SERPINH1: variants seen among roughly 807,000 people sequenced by gnomAD.
SERPINH1 encodes serpin H1.
SERPINH1 carries 22 observed loss-of-function variants against 32.3 expected under a neutral mutation model. The observed-to-expected ratio is 0.68, with a 90% CI of 0.49 to 0.97. The LOEUF (loss-of-function observed/expected upper bound fraction) is 0.97. SERPINH1 is among the 50% of genes least tolerant of loss of function. The pLI is 0.00. For synonymous variants in SERPINH1, 251 were observed against 245.9 expected, an observed-to-expected ratio of 1.02 and a Z score of -0.19; for missense variants, 543 against 576.4, an observed-to-expected ratio of 0.94 and a Z score of 0.59.
chr11:75,569,398 G>A (rs1165321021), intron 4 of SERPINH1: 24 of 569,620 alleles, frequency 4.2e-5, no homozygotes, highest in Non-Finnish European at 5.9e-5. Context: ...TATGCTAGGC[G>A]TTCTTCTAAG....
rs1942070559 is a variant in SERPINH1 at position 75,566,307 on chromosome 11, T to G, written c.-34-9T>G. On this transcript the variant is annotated splice_polypyrimidine_tract_variant and intron_variant, in intron 1 of 4. Coordinates refer to ENST00000358171, the MANE Select transcript of SERPINH1 (RefSeq NM_001235.5). ...CTTCAAGACCACCCTGTCTGTGCAA[T>G]CCTCACAGGCCCACCGTGGTGCACG... 6.3e-7 allele frequency: 1 copy of G among 1,589,282 alleles called. No homozygotes were observed. Among genetic ancestry groups the G allele is most frequent in the African/African-American group, 1.3e-5 (1 of 74,702 alleles).
chr11:75,567,069 C>T (rs746517400), intron 2 of SERPINH1, 98 bp downstream of exon 2: 66 of 1,349,010 alleles, frequency 4.9e-5, no homozygotes, highest in Non-Finnish European at 6.3e-5. Context: ...CACTGCCTCT[C>T]ATTTATGCTG....
Position 75,572,307 on chromosome 11 carries a change from C to A in SERPINH1, c.*224C>A. On this transcript the variant is annotated 3_prime_UTR_variant, in exon 5 of 5. Transcript: ENST00000358171. ...TACCATGATGCTGAGCCCGGAAACT[C>A]CACATCCTGTGGGACCTGGGCCATA... 3.3e-6 allele frequency: 2 copies of A among 610,182 alleles called. No individual in the cohort carries two copies. Among genetic ancestry groups the A allele is most frequent in the South Asian group, 3.7e-5 (2 of 53,388 alleles). The allele number at this position is 610,182 out of a possible 1,614,324, so 37.8% of individuals were successfully genotyped here. A position where few individuals can be genotyped will look rare whatever the true frequency, so the allele number is the denominator to read the frequency against.
At chr11:75,569,621 C>G (rs1942162875) in intron 4 of SERPINH1, among the ~76,000 whole-genome samples, 1 of 152,074 alleles carries the variant, frequency 6.6e-6, no homozygotes, top group African/African-American at 2.4e-5. Flanking sequence ...CGGGATTTCA[C>G]CATGTTGGCC....
intron 3 of SERPINH1, 45 bp downstream of exon 3, chr11:75,568,874 A>T (rs747699553): frequency 3.7e-5 from 60 of 1,603,174 alleles, no homozygotes; most frequent in Non-Finnish European, 4.9e-5. Flanking sequence ...TGGGGGTCCA[A>T]GGGTAGTTGG....
At chr11:75,568,458 T>C (rs1942130574) in intron 2 of SERPINH1, 2 of 508,954 alleles carry the variant, frequency 3.9e-6, no homozygotes, top group Non-Finnish European at 7.2e-6. Context: ...GTGGCTGACC[T>C]GAGGGCGGAA....
chr11:75,568,976 G>A lies in SERPINH1; in HGVS notation c.759G>A (p.Leu253=). 1 of 1,614,120 alleles carries A rather than the reference G, an allele frequency of 6.2e-7. No individual in the cohort carries two copies. The highest frequency in any genetic ancestry group is 8.5e-7 in the Non-Finnish European group (1 of 1,180,030). The change falls in exon 4 of 5, where the codon CTG becomes CTA. Residue 253 remains leucine (L), a synonymous_variant. Transcript: ENST00000358171. ...ACTACGACGACGAGAAGGAAAAGCT[G>A]CAAATCGTGGAGATGCCCCTGGCCC... The part of the protein sequence containing the change: ...YNYYDDEKEK[L]QIVEMPLAHK...
At chr11:75,564,519 C>T (rs979403031) in intron 1 of SERPINH1, among the ~76,000 whole-genome samples, 2 of 152,190 alleles carry the variant, frequency 1.3e-5, no homozygotes, top group Admixed American at 1.3e-4. Flanking sequence ...GCCTATTGTC[C>T]TGGCATAATA....
chr11:75,569,611 C>T (rs1204168627), intron 4 of SERPINH1, among the ~76,000 whole-genome samples: 1 of 151,958 alleles, frequency 6.6e-6, no homozygotes, highest in African/African-American at 2.4e-5. Flanking sequence ...TTAATAGAGA[C>T]GGGATTTCAC....
In SERPINH1 at chr11:75,566,751, G is replaced by C. The variant is rs1252255756; in HGVS notation, c.402G>C (p.Leu134=). 1 of 1,613,202 alleles carries C rather than the reference G, an allele frequency of 6.2e-7. No individual in the cohort carries two copies. The highest frequency in any genetic ancestry group is 1.1e-5 in the South Asian group (1 of 91,092). Residue 134 remains leucine, a synonymous_variant, in exon 2 of 5, where the codon CTG becomes CTC. Transcript: ENST00000358171. ...TGACCTGGAAGCTGGGCAGCCGACTGTACGGACCCAGCTCAGTGAGCTTCG... is the reference window on the plus strand; with the variant it reads ...TGACCTGGAAGCTGGGCAGCCGACTCTACGGACCCAGCTCAGTGAGCTTCG... ...RNVTWKLGSR[L]YGPSSVSFAD...
rs756637017 is a variant in SERPINH1 at position 75,566,856 on chromosome 11, G to A, written c.507G>A (p.Ala169=). Residue 169 remains alanine (A), a synonymous_variant, in exon 2 of 5, where the codon GCG becomes GCA. Coordinates refer to ENST00000358171, the MANE Select transcript of SERPINH1 (RefSeq NM_001235.5). ...TCAACTTCCGCGACAAGCGCAGCGC[G>A]CTGCAGTCCATCAACGAGTGGGCCG... ...SKINFRDKRS[A]LQSINEWAAQ... The A allele has an allele frequency of 3.7e-6, 6 of 1,611,822 alleles. No individual in the cohort carries two copies. Among genetic ancestry groups the A allele is most frequent in the African/African-American group, 1.3e-5 (1 of 75,074 alleles).
At position 75,572,170 on chromosome 11, in the gene SERPINH1, T is replaced by C; in HGVS notation, c.*87T>C. On this transcript the variant is annotated 3_prime_UTR_variant, in exon 5 of 5. Coordinates refer to ENST00000358171, the MANE Select transcript of SERPINH1 (RefSeq NM_001235.5). The stretch of plus-strand genomic sequence containing the variant: ...TATTGGGGTTGGGGGGGAGGTGAGG[T>C]ACCAGCCTTGGATACTCCATGGGGT... The C allele has an allele frequency of 7.7e-7, 1 of 1,290,466 alleles. No individual in the cohort carries two copies. Among genetic ancestry groups the C allele is most frequent in the Non-Finnish European group, 1.1e-6 (1 of 906,688 alleles). 79.9% of individuals were successfully genotyped at this position (1,290,466 alleles called of 1,614,324 possible).
At chr11:75,568,689 G>A (rs777193859) in intron 2 of SERPINH1, 42 bp from the exon 3 acceptor site, 1 of 1,335,228 alleles carries the variant, frequency 7.5e-7, no homozygotes, top group East Asian at 2.3e-5. Context: ...GTGTTTGGGG[G>A]CGGCCATGTG....
chr11:75,564,132 T>C (rs1262251076), intron 1 of SERPINH1, among the ~76,000 whole-genome samples: 2 of 152,186 alleles, frequency 1.3e-5, no homozygotes, highest in Non-Finnish European at 2.9e-5. Context: ...CTGGCAAATA[T>C]GTGGCACCCC....
rs764819709 is a variant in SERPINH1, at chr11:75,566,848, C to A, written c.499C>A (p.Arg167Ser). The stretch of plus-strand genomic sequence containing the variant: ...CTCCAAGATCAACTTCCGCGACAAG[C>A]GCAGCGCGCTGCAGTCCATCAACGA... ...EHSKINFRDK[R>S]SALQSINEWA... The change falls in exon 2 of 5, where the codon CGC becomes AGC. Residue 167 changes from arginine (R) to serine (S), a missense_variant. Physicochemically the swap from Arg to Ser is moderately radical, Grantham distance 110. This residue lies in a region of SERPINH1 where 427 missense variants were observed against 446.4 expected (regional missense o/e 0.96). Coordinates refer to ENST00000358171, the MANE Select transcript of SERPINH1 (RefSeq NM_001235.5). The A allele has an allele frequency of 2.5e-6, 4 of 1,612,084 alleles. No individual in the cohort carries two copies. The Admixed American group carries it at 6.7e-5, about 27-fold the overall frequency.
chr11:75,566,794 A>G lies in SERPINH1; in HGVS notation c.445A>G (p.Ser149Gly), dbSNP rs780165606. Reference protein sequence around the residue: ...SVSFADDFVRSSKQHYNCEHS... With the variant: ...SVSFADDFVRGSKQHYNCEHS... ...GAGCTTCGCTGATGACTTCGTGCGCAGCAGCAAGCAGCACTACAACTGCGA... is the reference window on the plus strand; with the variant it reads ...GAGCTTCGCTGATGACTTCGTGCGCGGCAGCAAGCAGCACTACAACTGCGA... The change falls in exon 2 of 5, where the codon AGC becomes GGC. Residue 149 changes from serine (S) to glycine (G), a missense_variant. Ser to Gly is a moderately conservative substitution (Grantham distance 56). Around this residue, in one of 3 missense-constraint regions of SERPINH1, gnomAD observed 427 missense variants for 446.4 expected, o/e 0.96. Transcript: ENST00000358171. The G allele has an allele frequency of 6.2e-7, 1 of 1,613,246 alleles. No homozygotes were observed. Among genetic ancestry groups the G allele is most frequent in the East Asian group, 2.2e-5 (1 of 44,876 alleles).
At position 75,571,887 on chromosome 11, in the gene SERPINH1, C is replaced by G. The variant is rs1210096447; in HGVS notation, c.1061C>G (p.Ala354Gly). The G allele has an allele frequency of 6.2e-7, 1 of 1,614,240 alleles. No individual in the cohort carries two copies. The highest frequency in any genetic ancestry group is 1.7e-5 in the Admixed American group (1 of 60,026). ...CTGTACCTGGCCAGCGTGTTCCACG[C>G]CACCGCCTTTGAGTTGGACACAGAT... ...KDLYLASVFH[A>G]TAFELDTDGN... The change falls in exon 5 of 5, where the codon GCC becomes GGC. Residue 354 changes from alanine (A) to glycine (G), a missense_variant. Ala to Gly is a moderately conservative substitution (Grantham distance 60). Around this residue, in one of 3 missense-constraint regions of SERPINH1, gnomAD observed 427 missense variants for 446.4 expected, o/e 0.96. Coordinates refer to ENST00000358171, the MANE Select transcript of SERPINH1 (RefSeq NM_001235.5).
Position 75,566,323 on chromosome 11 carries a change from G to C in SERPINH1, c.-27G>C. The C allele has an allele frequency of 1.2e-6, 2 of 1,600,156 alleles. No individual in the cohort carries two copies. Among genetic ancestry groups the C allele is most frequent in the Non-Finnish European group, 1.7e-6 (2 of 1,174,186 alleles). The stretch of plus-strand genomic sequence containing the variant: ...TCTGTGCAATCCTCACAGGCCCACC[G>C]TGGTGCACGCAAACCACTTCCTGGC... On this transcript the variant is annotated 5_prime_UTR_variant, in exon 2 of 5. Coordinates refer to ENST00000358171, the MANE Select transcript of SERPINH1 (RefSeq NM_001235.5).
In SERPINH1 at chr11:75,567,035, C is replaced by T. The variant is rs1592201412; in HGVS notation, c.622+64C>T. On this transcript the variant is annotated intron_variant, in intron 2 of 4. Coordinates refer to ENST00000358171, the MANE Select transcript of SERPINH1 (RefSeq NM_001235.5). ...CCAGGACCCCCTGCAAGAGTTAGGA[C>T]GACATTCCGTGCGCTCCATTCTTCA... 6 of 1,533,210 alleles carry T rather than the reference C, an allele frequency of 3.9e-6. No individual in the cohort carries two copies. In the East Asian group the frequency reaches 1.2e-4, roughly 29 times the overall value. 95.0% of individuals were successfully genotyped at this position (1,533,210 alleles called of 1,614,324 possible).
Sources: gnomAD v4.1 joint callset for allele counts (sites outside exome capture counted in the v4.1 genomes callset) on GRCh38, gnomAD v4.1.1 for gene constraint, gnomAD v4.1.1 regional missense constraint, MANE v1.5 for transcripts, NCBI Gene and HGNC (gene_info 2026-07-23, HGNC 2026-07-21) for gene names.